Variants in SPATA6 observed in about 807,000 individuals in gnomAD.
The protein encoded by SPATA6 is spermatogenesis-associated protein 6.
Under a neutral mutation model 65.3 loss-of-function variants are expected in SPATA6, and 56 were observed. That is an observed-to-expected ratio of 0.86 (90% confidence interval 0.69 to 1.07). The LOEUF (loss-of-function observed/expected upper bound fraction) is 1.07. SPATA6 is among the 50% of genes least tolerant of loss of function. The pLI is 0.00. For missense variants in SPATA6, 590 were observed against 594.8 expected (o/e 0.99, Z 0.08); for synonymous variants, 199 against 213.2 (o/e 0.93, Z 0.58).
chr1:48,386,302 T>C (rs1278401415), intron 8 of SPATA6, among the ~76,000 whole-genome samples: 4 of 152,230 alleles, frequency 2.6e-5, no homozygotes, highest in African/African-American at 7.2e-5. Context: ...TTTGGAGCTT[T>C]ACTCATTACT....
chr1:48,280,250 C>A, the SPATA6 span, among the ~76,000 whole-genome samples: 4 of 152,092 alleles, frequency 2.6e-5, no homozygotes, highest in African/African-American at 9.7e-5. Flanking sequence ...AAAATTGACA[C>A]CCTAACATCA....
In SPATA6 at chr1:48,296,074, A is replaced by G. The variant is rs906143064; in HGVS notation, c.*2639T>C. ...TCCCAAGGTTTTTTATGATTTAAAG[A>G]AAAAAATTAAAAAGTAAAAAGAAAA... On this transcript the variant is annotated 3_prime_UTR_variant, in exon 13 of 13. Transcript: ENST00000371847. The G allele has an allele frequency of 7.2e-5, 11 of 152,060 alleles. No homozygotes were observed. Among genetic ancestry groups the G allele is most frequent in the African/African-American group, 2.7e-4 (11 of 41,448 alleles). 9.4% of individuals were successfully genotyped at this position (152,060 alleles called of 1,614,324 possible).
At chr1:48,350,653 G>A (rs1646491518) in intron 11 of SPATA6, among the ~76,000 whole-genome samples, 1 of 151,858 alleles carries the variant, frequency 6.6e-6, no homozygotes, top group Admixed American at 6.6e-5. Flanking sequence ...CATTTAATTG[G>A]CTTTACACTT....
chr1:48,436,151 T>C (rs1409753509), intron 3 of SPATA6: 1 of 1,610,150 alleles, frequency 6.2e-7, no homozygotes, highest in Non-Finnish European at 8.5e-7. Flanking sequence ...GAGCTCCAAG[T>C]AGAAACAGGA....
At chr1:48,434,787 T>C (rs1450752799) in intron 3 of SPATA6, among the ~76,000 whole-genome samples, 2 of 152,052 alleles carry the variant, frequency 1.3e-5, no homozygotes, top group Non-Finnish European at 2.9e-5. Context: ...CTCTATGAAA[T>C]AGAAAACTTT....
the SPATA6 span, among the ~76,000 whole-genome samples, chr1:48,282,012 C>A: frequency 6.6e-6 from 1 of 152,044 alleles, no homozygotes; most frequent in Non-Finnish European, 1.5e-5. Context: ...CAGAACAGAG[C>A]CCTCAGAAAT....
chr1:48,364,583 G>C (rs562230265), intron 9 of SPATA6, among the ~76,000 whole-genome samples: 1 of 152,152 alleles, frequency 6.6e-6, no homozygotes, highest in African/African-American at 2.4e-5. Context: ...TGTGTTTTTT[G>C]GCTGCATAAA....
At chr1:48,336,625 C>A (rs1467207893) in intron 11 of SPATA6, among the ~76,000 whole-genome samples, 2 of 151,488 alleles carry the variant, frequency 1.3e-5, no homozygotes, top group East Asian at 1.9e-4. Context: ...AATGGGGCCT[C>A]CTCGAGGGAG....
intron 11 of SPATA6, among the ~76,000 whole-genome samples, chr1:48,332,923 G>T (rs748436715): frequency 1.3e-5 from 2 of 152,072 alleles, no homozygotes. Context: ...CAAGAGAATC[G>T]CTCAAAACCA....
intron 3 of SPATA6, among the ~76,000 whole-genome samples, chr1:48,419,093 G>A (rs1653079624): frequency 1.3e-5 from 2 of 152,106 alleles, no homozygotes; most frequent in South Asian, 4.1e-4. Flanking sequence ...AAAAACTTAT[G>A]AGTAATCAAA....
At chr1:48,395,055 G>C (rs1255366102) in intron 8 of SPATA6, among the ~76,000 whole-genome samples, 1 of 151,840 alleles carries the variant, frequency 6.6e-6, no homozygotes, top group Non-Finnish European at 1.5e-5. Context: ...CTCAAGGTGG[G>C]AAATGATTTA....
rs560883580 is a variant in SPATA6 at position 48,421,513 on chromosome 1, C to G, written c.239-8362G>C. On this transcript the variant is annotated intron_variant, in intron 3 of 12. Coordinates refer to ENST00000371847, the MANE Select transcript of SPATA6 (RefSeq NM_019073.4). The stretch of plus-strand genomic sequence containing the variant: ...CCACATCTTATGGTTATATTGCAAA[C>G]TAATAATATTTTTAAGATCATTAAG... Among the ~76,000 whole-genome samples the G allele has an allele frequency of 3.9e-5, 6 of 151,980 alleles. No individual in the cohort carries two copies. In the South Asian group the frequency reaches 6.2e-4, roughly 16 times the overall value.
intron 11 of SPATA6, among the ~76,000 whole-genome samples, chr1:48,313,806 T>G (rs1199240031): frequency 6.6e-6 from 1 of 152,128 alleles, no homozygotes. Flanking sequence ...ACCCATCTTA[T>G]GTGCAGAGAC....
At chr1:48,277,951 C>A in the SPATA6 span, among the ~76,000 whole-genome samples, 1 of 152,210 alleles carries the variant, frequency 6.6e-6, no homozygotes, top group African/African-American at 2.4e-5. Context: ...CGGACTGACA[C>A]CTCACATGGC....
chr1:48,313,627 C>A (rs1350874812), intron 11 of SPATA6, among the ~76,000 whole-genome samples: 1 of 152,152 alleles, frequency 6.6e-6, no homozygotes. Flanking sequence ...TAGGAAGAAA[C>A]TGCATCAACT....
chr1:48,319,757 C>G (rs1645546496), intron 11 of SPATA6, among the ~76,000 whole-genome samples: 1 of 152,196 alleles, frequency 6.6e-6, no homozygotes, highest in Non-Finnish European at 1.5e-5. Flanking sequence ...AGCGAGCCAC[C>G]TGGAGATTGT....
chr1:48,329,840 C>A (rs535231716), intron 11 of SPATA6, among the ~76,000 whole-genome samples: 2 of 152,306 alleles, frequency 1.3e-5, no homozygotes, highest in East Asian at 3.9e-4. Context: ...AATTTACACT[C>A]TCCACAGGGA....
At chr1:48,395,195 T>C (rs764120520) in intron 8 of SPATA6, 72 bp downstream of exon 8, 18 of 1,201,330 alleles carry the variant, frequency 1.5e-5, no homozygotes, top group East Asian at 1.1e-4. Context: ...TTTTTGTTAA[T>C]TGATGCCAAA....
At chr1:48,366,808 T>C (rs1174365833) in intron 9 of SPATA6, among the ~76,000 whole-genome samples, 1 of 152,214 alleles carries the variant, frequency 6.6e-6, no homozygotes, top group Non-Finnish European at 1.5e-5. Context: ...AGTTCTGCTC[T>C]GATTTTAGTT....
Sources: allele counts gnomAD v4.1 joint callset (sites outside exome capture counted in the v4.1 genomes callset), GRCh38; gene constraint gnomAD v4.1.1; transcripts MANE v1.5; gene names NCBI Gene and HGNC (gene_info 2026-07-23, HGNC 2026-07-21).